DEPDC5: variants seen among roughly 807,000 people sequenced by gnomAD.
The protein encoded by DEPDC5 is GATOR1 complex protein DEPDC5.
Under a neutral mutation model 217.3 loss-of-function variants are expected in DEPDC5, and 73 were observed. The observed-to-expected ratio is 0.34, with a 90% CI of 0.28 to 0.41. DEPDC5 has a LOEUF of 0.41. DEPDC5 is among the 10% of genes least tolerant of loss of function. The pLI is 1.00. For synonymous variants in DEPDC5, 733 were observed against 756.7 expected, an observed-to-expected ratio of 0.97 and a Z score of 0.51; for missense variants, 1,675 against 2,070.1, an observed-to-expected ratio of 0.81 and a Z score of 3.70.
At chr22:31,866,428 C>T (rs1373166521) in intron 33 of DEPDC5, among the ~76,000 whole-genome samples, 1 of 152,142 alleles carries the variant, frequency 6.6e-6, no homozygotes, top group African/African-American at 2.4e-5. Flanking sequence ...GCTCTGTCGC[C>T]AGGCTGGAAT....
chr22:31,777,927 TA>T (rs1228973674), intron 7 of DEPDC5, 171 bp from the exon 8 acceptor site: 4 of 635,868 alleles, frequency 6.3e-6, no homozygotes, highest in Non-Finnish European at 1.1e-5. Flanking sequence ...TTTGGATTTT[TA>T]GTATAGATGG....
intron 38 of DEPDC5, 91 bp from the exon 39 acceptor site, chr22:31,893,491 A>G (rs747847561): frequency 2.7e-5 from 35 of 1,308,940 alleles, no homozygotes; most frequent in Non-Finnish European, 3.1e-5. Context: ...GCACTTGTAT[A>G]TAGTTTCATA....
chr22:31,818,845 A>G (rs965902353), intron 21 of DEPDC5, among the ~76,000 whole-genome samples, 177 bp from the exon 22 acceptor site: 7 of 152,212 alleles, frequency 4.6e-5, no homozygotes, highest in African/African-American at 1.7e-4. Flanking sequence ...TTAAAAGCAA[A>G]CAAATGCAAA....
chr22:31,808,533 C>T lies in DEPDC5; in HGVS notation c.1288-1078C>T, dbSNP rs567641233. ...CACTGCAACCTCCATCTCCTGGGTTCACGTGATTCTCCTGCCTCAGCCTCC... is the reference window on the plus strand; with the variant it reads ...CACTGCAACCTCCATCTCCTGGGTTTACGTGATTCTCCTGCCTCAGCCTCC... On this transcript the variant is annotated intron_variant, in intron 18 of 42. Transcript: ENST00000651528. Among the ~76,000 whole-genome samples, 10 of 152,262 alleles carry T rather than the reference C, an allele frequency of 6.6e-5. No homozygotes were observed. The East Asian group carries it at 1.9e-3, about 29-fold the overall frequency.
intron 6 of DEPDC5, 107 bp downstream of exon 6, chr22:31,766,775 T>A: frequency 1.1e-6 from 1 of 928,050 alleles, no homozygotes; most frequent in Non-Finnish European, 1.7e-6. Flanking sequence ...TATATCAGCA[T>A]CTACAGACAA....
rs541435581 is a variant in DEPDC5, at chr22:31,824,144, G to A, written c.2104+1354G>A. Reference sequence around the variant, plus strand: ...GTGGATCACCTGAGGTCAGAAGTTCGAGACCAGCCTGGCCAACGTGGTGAA... The same window carrying A: ...GTGGATCACCTGAGGTCAGAAGTTCAAGACCAGCCTGGCCAACGTGGTGAA... On this transcript the variant is annotated intron_variant, in intron 24 of 42. Transcript: ENST00000651528. Among the ~76,000 whole-genome samples the A allele has an allele frequency of 2.6e-5, 4 of 152,188 alleles. No homozygotes were observed. The South Asian group carries it at 6.2e-4, about 24-fold the overall frequency.
In DEPDC5 at chr22:31,804,147, C is replaced by G. The variant is rs758013228; in HGVS notation, c.1082-15C>G. ...ATTCCCTCCCCACAATTCTTTTTGT[C>G]TTTTCTTTTTTTAGGAATTGGTGTG... On this transcript the variant is annotated splice_polypyrimidine_tract_variant and intron_variant, in intron 15 of 42. Transcript: ENST00000651528. 4.3e-6 allele frequency: 7 copies of G among 1,613,638 alleles called. No homozygotes were observed. The highest frequency in any genetic ancestry group is 5.9e-6 in the Non-Finnish European group (7 of 1,179,736).
At position 31,864,080 on chromosome 22, in the gene DEPDC5, A is replaced by T. The variant is rs144144505; in HGVS notation, c.3330+2647A>T. On this transcript the variant is annotated intron_variant, in intron 33 of 42. Coordinates refer to ENST00000651528, the MANE Select transcript of DEPDC5 (RefSeq NM_001242896.3). ...TCTGATGTGCAGCATAGAATGGAGG[A>T]GGGAGGCCAATGGAGTCAGTTGGAT... 1.9e-3 allele frequency among the ~76,000 whole-genome samples: 283 copies of T among 151,250 alleles called. 2 individuals are homozygous for T. Among genetic ancestry groups the T allele is most frequent in the African/African-American group, 6.6e-3 (273 of 41,160 alleles).
At chr22:31,903,636 A>C (rs970264785) in intron 41 of DEPDC5, among the ~76,000 whole-genome samples, 2 of 14,606 alleles carry the variant, frequency 1.4e-4, no homozygotes, top group Non-Finnish European at 1.3e-4. Context: ...TAAACCCCCC[A>C]CCTTCCACAC....
At chr22:31,780,722 G>A (rs548773335) in intron 8 of DEPDC5, among the ~76,000 whole-genome samples, 9 of 152,310 alleles carry the variant, frequency 5.9e-5, no homozygotes, top group Admixed American at 5.2e-4. Context: ...TGGCACCCTG[G>A]ATCTGTGCAC....
In DEPDC5 at chr22:31,846,940, C is replaced by G. The variant is rs759688210; in HGVS notation, c.3128C>G (p.Ala1043Gly). 5.0e-6 allele frequency: 8 copies of G among 1,614,216 alleles called. No individual in the cohort carries two copies. The highest frequency in any genetic ancestry group is 6.8e-6 in the Non-Finnish European group (8 of 1,180,030). Reference protein sequence around the residue: ...VGKKGTSALSALLEMEASQKC... With the variant: ...VGKKGTSALSGLLEMEASQKC... ...AAGAAGGGAACCTCAGCTCTCTCTG[C>G]CCTGTTGGAGATGGAGGCCAGTCAG... The change falls in exon 31 of 43, where the codon GCC becomes GGC. Residue 1043 changes from alanine (A) to glycine (G), a missense_variant. Physicochemically the swap from Ala to Gly is moderately conservative, Grantham distance 60 (BLOSUM62 0). Transcript: ENST00000651528.
chr22:31,860,620 A>G (rs1188873640), intron 32 of DEPDC5, among the ~76,000 whole-genome samples: 1 of 152,076 alleles, frequency 6.6e-6, no homozygotes, highest in Admixed American at 6.6e-5. Flanking sequence ...GTAGGGAGGG[A>G]ATGACAGCTT....
Position 31,876,246 on chromosome 22 carries a change from G to A in DEPDC5, c.3786G>A (p.Thr1262=), listed in dbSNP as rs372568872. 79 of 1,613,610 alleles carry A rather than the reference G, an allele frequency of 4.9e-5. No individual in the cohort carries two copies. The highest frequency in any genetic ancestry group is 6.4e-5 in the Non-Finnish European group (76 of 1,179,986). ...GCTTCTATTTCTACAAGATAGTAAC[G>A]GACAAAGAGCCCGACCGAGGTTAGA... ...IYGFYFYKIV[T]DKEPDRVAMQ... Residue 1262 remains threonine (T), a synonymous_variant, in exon 37 of 43, where the codon ACG becomes ACA. Coordinates refer to ENST00000651528, the MANE Select transcript of DEPDC5 (RefSeq NM_001242896.3).
chr22:31,834,038 G>A, intron 25 of DEPDC5, 58 bp downstream of exon 25: 1 of 1,553,864 alleles, frequency 6.4e-7, no homozygotes, highest in Non-Finnish European at 8.9e-7. Context: ...GGTGGTCAGA[G>A]CATGAGGAAA....
At chr22:31,850,892 A>T (rs1354343393) in intron 31 of DEPDC5, among the ~76,000 whole-genome samples, 1 of 152,066 alleles carries the variant, frequency 6.6e-6, no homozygotes, top group African/African-American at 2.4e-5. Context: ...AACATGGCAA[A>T]ACCTCATTTC....
intron 31 of DEPDC5, among the ~76,000 whole-genome samples, chr22:31,852,119 C>T (rs927283481): frequency 6.6e-6 from 1 of 151,928 alleles, no homozygotes; most frequent in Admixed American, 6.6e-5. Context: ...GCCTCAGTTG[C>T]GCCACTGCAT....
chr22:31,854,633 A>G (rs1443727051), intron 31 of DEPDC5, among the ~76,000 whole-genome samples: 1 of 152,196 alleles, frequency 6.6e-6, no homozygotes, highest in African/African-American at 2.4e-5. Flanking sequence ...CTCACATCAT[A>G]AGAGAGAGGC....
rs1602350504 is a variant in DEPDC5, at chr22:31,843,177, G to A, written c.2598G>A (p.Lys866=). ...MGRTFHKVTL[K]DKMITVTRYL... ...GAACGTTCCACAAAGTGACGCTGAA[G>A]GATAAGATGATCACAGTGACGCGAT... The change falls in exon 28 of 43, where the codon AAG becomes AAA. Residue 866 remains lysine (K), a synonymous_variant. Transcript: ENST00000651528. 3 of 1,614,168 alleles carry A rather than the reference G, an allele frequency of 1.9e-6. No individual in the cohort carries two copies. Among genetic ancestry groups the A allele is most frequent in the South Asian group, 2.2e-5 (2 of 91,072 alleles).
At chr22:31,828,633 A>G (rs1292657699) in intron 24 of DEPDC5, among the ~76,000 whole-genome samples, 1 of 152,064 alleles carries the variant, frequency 6.6e-6, no homozygotes, top group East Asian at 1.9e-4. Context: ...AGACTTGGGT[A>G]GTCTTTTTCT....
Sources: gnomAD v4.1 joint callset for allele counts (sites outside exome capture counted in the v4.1 genomes callset) on GRCh38, gnomAD v4.1.1 for gene constraint, MANE v1.5 for transcripts, NCBI Gene and HGNC (gene_info 2026-07-23, HGNC 2026-07-21) for gene names.